The following SH3RF3 variants were observed in gnomAD, a reference collection of about 807,000 sequenced individuals.
SH3RF3 encodes the protein SH3 domain containing ring finger 3.
In SH3RF3, 29 loss-of-function variants were observed where a neutral mutation model predicts 66.3. That is an observed-to-expected ratio of 0.44 (90% CI 0.33 to 0.60). The LOEUF (loss-of-function observed/expected upper bound fraction) is 0.60. Ranked by LOEUF, SH3RF3 falls within the 20% of genes least tolerant of loss-of-function variation. SH3RF3 has a pLI of 0.04. For synonymous variants in SH3RF3, 583 were observed against 532.0 expected (o/e 1.10, Z -1.32); for missense variants, 1,194 against 1,190.9 (o/e 1.00, Z -0.04).
At chr2:109,368,478 C>T (rs1683193446) in intron 2 of SH3RF3, among the ~76,000 whole-genome samples, 1 of 151,884 alleles carries the variant, frequency 6.6e-6, no homozygotes, top group Admixed American at 6.6e-5. Flanking sequence ...CATTTTCTAA[C>T]TGATTATTGC....
chr2:109,251,467 A>G, intron 1 of SH3RF3: 1 of 734,000 alleles, frequency 1.4e-6, no homozygotes, highest in South Asian at 1.3e-5. Context: ...TATGGACAAG[A>G]AGTTGTCATT....
intron 9 of SH3RF3, among the ~76,000 whole-genome samples, chr2:109,500,583 A>G (rs1318131188): frequency 1.3e-5 from 2 of 152,150 alleles, no homozygotes; most frequent in South Asian, 2.1e-4. Flanking sequence ...ATTGATGTTG[A>G]TGTTGTGGCC....
At position 109,378,932 on chromosome 2, in the gene SH3RF3, C is replaced by T. The variant is rs562877328; in HGVS notation, c.945+7251C>T. 1.4e-4 allele frequency among the ~76,000 whole-genome samples: 22 copies of T among 152,320 alleles called. No individual in the cohort carries two copies. In the East Asian group the frequency reaches 2.7e-3, roughly 19 times the overall value. On this transcript the variant is annotated intron_variant, in intron 3 of 9. Coordinates refer to ENST00000309415, the MANE Select transcript of SH3RF3 (RefSeq NM_001099289.3). ...AGACTCCAGGGGACTTTCTGCAGATCTCCAGGACTGTCTCTCTCTACAGCT... is the reference window on the plus strand; with the variant it reads ...AGACTCCAGGGGACTTTCTGCAGATTTCCAGGACTGTCTCTCTCTACAGCT...
chr2:109,400,575 GCACA>G (rs369625855), intron 4 of SH3RF3, among the ~76,000 whole-genome samples: 18 of 146,990 alleles, frequency 1.2e-4, no homozygotes, highest in East Asian at 5.9e-4. Context: ...ACACCTGTGC[GCACA>G]CACACACACA....
chr2:109,418,572 C>G (rs1676786125), intron 4 of SH3RF3, among the ~76,000 whole-genome samples: 1 of 151,936 alleles, frequency 6.6e-6, no homozygotes, highest in Admixed American at 6.6e-5. Flanking sequence ...CCCGGTCCTC[C>G]TTCTCTGTGT....
At chr2:109,230,065 C>T (rs1009372028) in intron 1 of SH3RF3, among the ~76,000 whole-genome samples, 1 of 151,846 alleles carries the variant, frequency 6.6e-6, no homozygotes, top group Non-Finnish European at 1.5e-5. Flanking sequence ...ACTTCGTGAT[C>T]CGCCCGCCTC....
intron 8 of SH3RF3, among the ~76,000 whole-genome samples, chr2:109,482,690 G>T (rs1428501434): frequency 1.1e-4 from 17 of 152,218 alleles, no homozygotes; most frequent in Admixed American, 1.1e-3. Flanking sequence ...CAAGAACAAG[G>T]ATGCCCTCAG....
chr2:109,240,780 C>A (rs1679759259), intron 1 of SH3RF3, among the ~76,000 whole-genome samples: 2 of 152,050 alleles, frequency 1.3e-5, no homozygotes, highest in South Asian at 4.1e-4. Flanking sequence ...CTTCTCCTCT[C>A]TAGACCCTGA....
intron 8 of SH3RF3, among the ~76,000 whole-genome samples, chr2:109,476,556 C>G (rs765938218): frequency 1.4e-4 from 21 of 152,220 alleles, no homozygotes; most frequent in Non-Finnish European, 2.4e-4. Flanking sequence ...AGATACTGGA[C>G]TTTCCTCTAA....
chr2:109,459,465 T>C (rs1234736721), intron 8 of SH3RF3, among the ~76,000 whole-genome samples: 1 of 152,162 alleles, frequency 6.6e-6, no homozygotes, highest in African/African-American at 2.4e-5. Context: ...TTTTTAGTCC[T>C]GTCTGGATTG....
intron 1 of SH3RF3, among the ~76,000 whole-genome samples, chr2:109,300,518 G>A (rs989940944): frequency 1.3e-5 from 2 of 152,128 alleles, no homozygotes; most frequent in African/African-American, 4.8e-5. Flanking sequence ...CCTTGAGTGA[G>A]GAAAAGACAT....
intron 1 of SH3RF3, chr2:109,141,355 C>T (rs1394505151): frequency 2.0e-5 from 3 of 152,624 alleles, no homozygotes; most frequent in African/African-American, 7.2e-5. Context: ...GCCTGGGTCC[C>T]TCTTCCTCCA....
chr2:109,230,200 C>T (rs762785877), intron 1 of SH3RF3, among the ~76,000 whole-genome samples: 3 of 151,376 alleles, frequency 2.0e-5, no homozygotes, highest in Non-Finnish European at 2.9e-5. Flanking sequence ...CATTCAAATA[C>T]GGACATTCCT....
At chr2:109,390,978 C>T (rs1350698479) in intron 3 of SH3RF3, among the ~76,000 whole-genome samples, 2 of 152,166 alleles carry the variant, frequency 1.3e-5, no homozygotes, top group Admixed American at 6.5e-5. Context: ...GGCCAACTGC[C>T]CCCAAGCAGC....
chr2:109,419,489 T>C, intron 4 of SH3RF3, 50 bp from the exon 5 acceptor site: 1 of 1,531,238 alleles, frequency 6.5e-7, no homozygotes, highest in Non-Finnish European at 8.8e-7. Context: ...CTCTTTCCCT[T>C]GGATGGAGTC....
At chr2:109,165,800 A>G (rs901174719) in intron 1 of SH3RF3, among the ~76,000 whole-genome samples, 1 of 152,178 alleles carries the variant, frequency 6.6e-6, no homozygotes, top group African/African-American at 2.4e-5. Context: ...TGAGTGTGTT[A>G]AATGAGTTTA....
At chr2:109,289,817 C>T (rs547176129) in intron 1 of SH3RF3, among the ~76,000 whole-genome samples, 3 of 152,026 alleles carry the variant, frequency 2.0e-5, no homozygotes, top group Non-Finnish European at 4.4e-5. Context: ...CTGGGGAAAT[C>T]GGGAAATCAA....
At chr2:109,234,127 A>G (rs996387188) in intron 1 of SH3RF3, among the ~76,000 whole-genome samples, 2 of 152,224 alleles carry the variant, frequency 1.3e-5, no homozygotes, top group Admixed American at 1.3e-4. Flanking sequence ...CCTTATAGGA[A>G]ATGCCAGATT....
At chr2:109,191,550 C>A (rs1678364019) in intron 1 of SH3RF3, among the ~76,000 whole-genome samples, 1 of 152,222 alleles carries the variant, frequency 6.6e-6, no homozygotes, top group Admixed American at 6.5e-5. Flanking sequence ...TCTGCTCAGG[C>A]TTGACGCTGC....
Sources: allele counts gnomAD v4.1 joint callset (sites outside exome capture counted in the v4.1 genomes callset), GRCh38; gene constraint gnomAD v4.1.1; transcripts MANE v1.5; gene names NCBI Gene and HGNC (gene_info 2026-07-23, HGNC 2026-07-21).